CTNNA2: variants seen among roughly 807,000 people sequenced by gnomAD.
CTNNA2 encodes the protein catenin alpha 2.
In CTNNA2, 42 loss-of-function variants were observed where a neutral mutation model predicts 101.0. That is an observed-to-expected ratio of 0.42 (90% CI 0.32 to 0.54). The LOEUF (loss-of-function observed/expected upper bound fraction) is 0.54, where lower values mean the gene tolerates loss of function less well. CTNNA2 is among the 20% of genes least tolerant of loss of function. The pLI is 0.14. For missense variants in CTNNA2, 871 were observed against 1,223.1 expected, an observed-to-expected ratio of 0.71 and a Z score of 4.29; for synonymous variants, 450 against 456.4, an observed-to-expected ratio of 0.99 and a Z score of 0.18.
Position 80,549,617 on chromosome 2 carries a change from A to G in CTNNA2, c.1540+3554A>G, listed in dbSNP as rs1692392775. On this transcript the variant is annotated intron_variant, in intron 11 of 18. Transcript: ENST00000402739. Reference sequence around the variant, plus strand: ...CCAAACATTGCAGTTTTTCACAGCAATGGAATAATCTCTAGGATACTTTTG... The same window carrying G: ...CCAAACATTGCAGTTTTTCACAGCAGTGGAATAATCTCTAGGATACTTTTG... 2.6e-5 allele frequency among the ~76,000 whole-genome samples: 4 copies of G among 152,296 alleles called. No homozygotes were observed. In the South Asian group the frequency reaches 8.3e-4, roughly 32 times the overall value.
At chr2:79,579,266 C>T (rs1675999435) in intron 1 of CTNNA2, among the ~76,000 whole-genome samples, 1 of 147,298 alleles carries the variant, frequency 6.8e-6, no homozygotes, top group South Asian at 2.3e-4. Context: ...TCGCTTCCTT[C>T]CTTCCTTCCT....
chr2:80,582,517 T>A (rs760095594), intron 14 of CTNNA2, among the ~76,000 whole-genome samples: 1 of 152,212 alleles, frequency 6.6e-6, no homozygotes, highest in African/African-American at 2.4e-5. Context: ...TGTTCACCAA[T>A]GCATTTGGTC....
chr2:79,565,286 G>A (rs1345915137), intron 1 of CTNNA2, among the ~76,000 whole-genome samples: 2 of 151,842 alleles, frequency 1.3e-5, no homozygotes, highest in East Asian at 1.9e-4. Flanking sequence ...TCAGCAAAGC[G>A]AGAGTCCTCC....
chr2:80,080,481 G>C (rs1699066640), intron 7 of CTNNA2, among the ~76,000 whole-genome samples: 1 of 152,284 alleles, frequency 6.6e-6, no homozygotes, highest in South Asian at 2.1e-4. Context: ...GTAGATTGTA[G>C]AGCTAAGTGT....
At chr2:79,841,413 C>A (rs556880600) in intron 3 of CTNNA2, among the ~76,000 whole-genome samples, 27 of 152,194 alleles carry the variant, frequency 1.8e-4, no homozygotes, top group African/African-American at 5.5e-4. Flanking sequence ...TATGGAATGG[C>A]AAATAAGCCT....
At chr2:79,730,746 C>A (rs1406542954) in intron 2 of CTNNA2, among the ~76,000 whole-genome samples, 1 of 151,734 alleles carries the variant, frequency 6.6e-6, no homozygotes, top group Non-Finnish European at 1.5e-5. Context: ...TATGACAAAA[C>A]CATGAAACTC....
At chr2:80,463,181 T>A (rs1684591457) in intron 9 of CTNNA2, among the ~76,000 whole-genome samples, 1 of 152,208 alleles carries the variant, frequency 6.6e-6, no homozygotes, top group South Asian at 2.1e-4. Context: ...GCTCCATTTA[T>A]CATCTCACAT....
At chr2:80,003,055 G>C (rs982438334) in intron 7 of CTNNA2, among the ~76,000 whole-genome samples, 22 of 152,250 alleles carry the variant, frequency 1.4e-4, no homozygotes, top group African/African-American at 4.8e-4. Flanking sequence ...AGCCTTACCT[G>C]GTGATTAGTG....
At chr2:79,201,287 A>G (rs570922623) in intron 2 of CTNNA2, among the ~76,000 whole-genome samples, 1 of 152,242 alleles carries the variant, frequency 6.6e-6, no homozygotes. Context: ...TTATATAATT[A>G]CTGAGCACTC....
chr2:79,847,039 C>G (rs1680280396), intron 3 of CTNNA2, among the ~76,000 whole-genome samples: 1 of 152,146 alleles, frequency 6.6e-6, no homozygotes. Flanking sequence ...GTTGTTTGCT[C>G]ATTTTTTAAT....
At chr2:80,608,032 C>A (rs1218461978) in intron 16 of CTNNA2, 152 bp from the exon 17 acceptor site, 9 of 561,830 alleles carry the variant, frequency 1.6e-5, no homozygotes, top group African/African-American at 1.1e-4. Context: ...CAGTCTGTGG[C>A]CTTTCTAAAA....
intron 7 of CTNNA2, among the ~76,000 whole-genome samples, chr2:80,062,090 C>T (rs1697635491): frequency 6.6e-6 from 1 of 152,160 alleles, no homozygotes; most frequent in Non-Finnish European, 1.5e-5. Context: ...GCCACTGTAG[C>T]TTTGAGGCTT....
chr2:80,501,999 A>G (rs904078548), intron 9 of CTNNA2, among the ~76,000 whole-genome samples: 4 of 152,164 alleles, frequency 2.6e-5, no homozygotes, highest in African/African-American at 7.2e-5. Context: ...AACACACTCT[A>G]TTCTGGGGTC....
At chr2:80,603,152 A>G (rs941056134) in intron 15 of CTNNA2, among the ~76,000 whole-genome samples, 1 of 152,200 alleles carries the variant, frequency 6.6e-6, no homozygotes, top group Admixed American at 6.6e-5. Context: ...TTATGCACAT[A>G]AAGAGACCAG....
intron 2 of CTNNA2, among the ~76,000 whole-genome samples, chr2:79,273,227 T>G (rs1022312198): frequency 6.6e-6 from 1 of 152,112 alleles, no homozygotes; most frequent in African/African-American, 2.4e-5. Flanking sequence ...ATTTTATCCT[T>G]AGGGCAACCT....
intron 4 of CTNNA2, chr2:79,499,015 C>G (rs1671288782): frequency 6.6e-6 from 1 of 152,222 alleles, no homozygotes; most frequent in Non-Finnish European, 1.5e-5. Flanking sequence ...CCAACACAAT[C>G]TGACATCCTG....
chr2:79,927,721 C>T (rs111993099), intron 7 of CTNNA2, among the ~76,000 whole-genome samples: 2,180 of 152,224 alleles, frequency 0.014, 109 homozygotes, highest in Admixed American at 0.099. Context: ...TATAATGTTA[C>T]TCTGTAAATA....
intron 2 of CTNNA2, among the ~76,000 whole-genome samples, chr2:79,743,064 AC>A (rs1480662108): frequency 6.6e-6 from 1 of 152,126 alleles, no homozygotes; most frequent in Non-Finnish European, 1.5e-5. Flanking sequence ...TGCATTTGGA[AC>A]TTTTTTGTAG....
intron 4 of CTNNA2, among the ~76,000 whole-genome samples, chr2:79,382,613 T>C (rs1416231132): frequency 6.6e-6 from 1 of 152,120 alleles, no homozygotes; most frequent in African/African-American, 2.4e-5. Context: ...AATAAACTAT[T>C]AAATTTTTTT....
Sources: gnomAD v4.1 joint callset for allele counts (sites outside exome capture counted in the v4.1 genomes callset) on GRCh38, gnomAD v4.1.1 for gene constraint, MANE v1.5 for transcripts, NCBI Gene and HGNC (gene_info 2026-07-23, HGNC 2026-07-21) for gene names.